DLGAP2: variants seen among roughly 807,000 people sequenced by gnomAD.
DLGAP2 encodes the protein DLG associated protein 2.
Under a neutral mutation model 100.3 loss-of-function variants are expected in DLGAP2, and 26 were observed. The observed-to-expected ratio is 0.26, with a 90% confidence interval of 0.19 to 0.36. The LOEUF is 0.36. DLGAP2 is among the 10% of genes least tolerant of loss of function. The probability of loss-of-function intolerance (pLI) is 1.00; values close to 1 mark genes in which losing one functional copy is unlikely to be tolerated. For synonymous variants in DLGAP2, 886 were observed against 630.1 expected (o/e 1.41, Z -6.08); for missense variants, 1,858 against 1,453.2 (o/e 1.28, Z -4.53).
At chr8:1,352,549 T>C (rs542508171) in intron 3 of DLGAP2, among the ~76,000 whole-genome samples, 1 of 152,342 alleles carries the variant, frequency 6.6e-6, no homozygotes, top group African/African-American at 2.4e-5. Context: ...GAGTGTTTAT[T>C]ATAATATCAT....
intron 3 of DLGAP2, among the ~76,000 whole-genome samples, chr8:1,389,564 A>G (rs966090839): frequency 2.6e-5 from 4 of 152,146 alleles, no homozygotes; most frequent in East Asian, 1.9e-4. Context: ...AGCAGAACCA[A>G]TCTGCACAGT....
chr8:1,316,064 T>G (rs368805991), intron 3 of DLGAP2, among the ~76,000 whole-genome samples: 1 of 84,114 alleles, frequency 1.2e-5, no homozygotes, highest in African/African-American at 4.2e-5. Context: ...AGAGCGTGTG[T>G]GAGTGCAGCG....
chr8:833,099 C>T (rs1393701), intron 1 of DLGAP2, among the ~76,000 whole-genome samples: 1 of 152,094 alleles, frequency 6.6e-6, no homozygotes, highest in African/African-American at 2.4e-5. Flanking sequence ...ACAGGGCTTA[C>T]CTGTCTTCAT....
chr8:1,157,489 G>A (rs1339643874), intron 2 of DLGAP2, among the ~76,000 whole-genome samples: 1 of 152,008 alleles, frequency 6.6e-6, no homozygotes, highest in African/African-American at 2.4e-5. Context: ...CCATCTCCCA[G>A]CCCCTGAAGA....
intron 2 of DLGAP2, among the ~76,000 whole-genome samples, chr8:916,367 G>A (rs781184864): frequency 2.2e-4 from 33 of 152,202 alleles, no homozygotes; most frequent in African/African-American, 8.0e-4. Flanking sequence ...ATGAGTTCTT[G>A]TCCTTTTTAG....
chr8:1,380,664 G>A (rs1410810796), intron 3 of DLGAP2, among the ~76,000 whole-genome samples: 1 of 152,148 alleles, frequency 6.6e-6, no homozygotes, highest in Non-Finnish European at 1.5e-5. Context: ...TCGCCGAGGT[G>A]TCATGTTCAC....
rs1378039057 is a variant in DLGAP2 at position 1,289,734 on chromosome 8, C to A, written c.106+30851C>A. Among the ~76,000 whole-genome samples, 5 of 152,154 alleles carry A rather than the reference C, an allele frequency of 3.3e-5. No individual in the cohort carries two copies. In the South Asian group the frequency reaches 8.3e-4, roughly 25 times the overall value. On this transcript the variant is annotated intron_variant, in intron 3 of 14. Coordinates refer to ENST00000637795, the MANE Select transcript of DLGAP2 (RefSeq NM_001346810.2). ...AGGCTAATGTTGTGAGACTGTGCAA[C>A]CCCAGGAGAGCCCGGCCTCCCCCGC...
At chr8:1,362,701 T>A (rs1802014193) in intron 3 of DLGAP2, among the ~76,000 whole-genome samples, 1 of 152,202 alleles carries the variant, frequency 6.6e-6, no homozygotes, top group Non-Finnish European at 1.5e-5. Flanking sequence ...CTAAATCTAT[T>A]TTCCGCCCAT....
chr8:1,699,029 A>G (rs1000482137), intron 14 of DLGAP2, among the ~76,000 whole-genome samples: 4 of 152,270 alleles, frequency 2.6e-5, no homozygotes, highest in African/African-American at 9.6e-5. Context: ...GGTCCGTGTA[A>G]GCCACGGTTT....
intron 3 of DLGAP2, among the ~76,000 whole-genome samples, chr8:1,374,163 T>G (rs369323135): frequency 1.6e-4 from 24 of 149,024 alleles, no homozygotes; most frequent in South Asian, 8.5e-4. Flanking sequence ...GGAGGTTAGG[T>G]TAGGTTTGCA....
chr8:795,893 A>G lies in DLGAP2; in HGVS notation c.18+58068A>G, dbSNP rs370322736. On this transcript the variant is annotated intron_variant, in intron 1 of 14. Coordinates refer to ENST00000637795, the MANE Select transcript of DLGAP2 (RefSeq NM_001346810.2). ...AGGCGTCCAGTGAGAGCAGGCGTCC[A>G]GTGAGAGCAGCTGTCCAGTGAGAAC... Among the ~76,000 whole-genome samples, 151 of 118,602 alleles carry G rather than the reference A, an allele frequency of 1.3e-3. 6 individuals carry two copies. Among genetic ancestry groups the G allele is most frequent in the African/African-American group, 2.2e-3 (72 of 32,424 alleles). 77.8% of individuals were successfully genotyped at this position (118,602 alleles called of 152,430 possible). A position where few individuals can be genotyped will look rare whatever the true frequency, so the allele number is the denominator to read the frequency against.
chr8:848,000 A>C (rs978918104), intron 1 of DLGAP2, among the ~76,000 whole-genome samples: 1 of 152,010 alleles, frequency 6.6e-6, no homozygotes, highest in Admixed American at 6.6e-5. Context: ...TTCTGCTAAG[A>C]TCTTGTTTAG....
intron 3 of DLGAP2, among the ~76,000 whole-genome samples, chr8:1,298,241 C>G (rs1426238913): frequency 6.6e-6 from 1 of 152,154 alleles, no homozygotes; most frequent in East Asian, 1.9e-4. Flanking sequence ...CTTATTTCAG[C>G]ATCTTTATAA....
rs114485499 is a variant in DLGAP2 at position 938,315 on chromosome 8, C to T, written c.73+30349C>T. Among the ~76,000 whole-genome samples the T allele has an allele frequency of 3.6e-3, 542 of 152,244 alleles. 6 individuals are homozygous for T. Among genetic ancestry groups the T allele is most frequent in the African/African-American group, 0.012 (519 of 41,540 alleles). On this transcript the variant is annotated intron_variant, in intron 2 of 14. Transcript: ENST00000637795. The stretch of plus-strand genomic sequence containing the variant: ...CAGGCTTAAGCGATCCTCCTTCCTC[C>T]GTCTCTGGGTAGCTAGGACTACAGG...
chr8:1,069,783 A>G (rs1803371845), intron 2 of DLGAP2, among the ~76,000 whole-genome samples: 1 of 152,182 alleles, frequency 6.6e-6, no homozygotes, highest in Non-Finnish European at 1.5e-5. Context: ...GGATTCCACA[A>G]CAAGATGAGG....
At chr8:1,533,496 A>G (rs1459225000) in intron 4 of DLGAP2, among the ~76,000 whole-genome samples, 3 of 151,008 alleles carry the variant, frequency 2.0e-5, no homozygotes, top group African/African-American at 7.4e-5. Flanking sequence ...AAAGAGTGAG[A>G]CTCTGTCTCC....
chr8:1,229,100 G>A (rs150206787), intron 2 of DLGAP2, among the ~76,000 whole-genome samples: 318 of 152,122 alleles, frequency 2.1e-3, no homozygotes, highest in African/African-American at 7.3e-3. Context: ...ATCAGCATAC[G>A]AAACTCAATT....
chr8:1,304,220 G>T (rs1383278970), intron 3 of DLGAP2, among the ~76,000 whole-genome samples: 1 of 152,188 alleles, frequency 6.6e-6, no homozygotes, highest in Non-Finnish European at 1.5e-5. Flanking sequence ...TGTCCACGCT[G>T]GACTCTTCCT....
chr8:989,676 A>G (rs1346616811), intron 2 of DLGAP2, among the ~76,000 whole-genome samples: 1 of 152,190 alleles, frequency 6.6e-6, no homozygotes, highest in Non-Finnish European at 1.5e-5. Context: ...GAGAAAAGTG[A>G]ATGATTGACA....
Sources: gnomAD v4.1 joint callset for allele counts (sites outside exome capture counted in the v4.1 genomes callset) on GRCh38, gnomAD v4.1.1 for gene constraint, MANE v1.5 for transcripts, NCBI Gene and HGNC (gene_info 2026-07-23, HGNC 2026-07-21) for gene names.